Variants in VPS8 observed in about 807,000 individuals in gnomAD.
The protein encoded by VPS8 is VPS8 subunit of CORVET complex, also known as vacuolar protein sorting-associated protein 8 homolog.
VPS8 carries 129 observed loss-of-function variants against 216.4 expected under a neutral mutation model. That is an observed-to-expected ratio of 0.60 (90% CI 0.52 to 0.69). The LOEUF (loss-of-function observed/expected upper bound fraction) is 0.69, where lower values mean the gene tolerates loss of function less well. Ranked by LOEUF, VPS8 falls within the 30% of genes least tolerant of loss-of-function variation. The pLI is 0.00. For missense variants in VPS8, 1,531 were observed against 1,683.5 expected, an observed-to-expected ratio of 0.91 and a Z score of 1.59; for synonymous variants, 571 against 565.4, an observed-to-expected ratio of 1.01 and a Z score of -0.14.
At chr3:184,982,511 T>C in intron 40 of VPS8, 55 bp from the exon 41 acceptor site, 1 of 1,347,552 alleles carries the variant, frequency 7.4e-7, no homozygotes, top group South Asian at 1.2e-5. Flanking sequence ...TCTTTTGTTT[T>C]TCATTGTTTT....
Position 184,996,441 on chromosome 3 carries a change from C to G in VPS8, c.3776C>G (p.Ser1259Cys), listed in dbSNP as rs994217123. ...RGLNPKQDYC[S>C]ICLQQYKRRQ... ...CTGAATCCCAAACAAGATTACTGCT[C>G]TATATGTTTGCAGCAGTACAAGAGA... The change falls in exon 44 of 48, where the codon TCT (serine) becomes TGT (cysteine). Residue 1259 changes from serine (S) to cysteine (C), a missense_variant. Transcript: ENST00000625842. The G allele has an allele frequency of 5.0e-6, 8 of 1,613,578 alleles. No homozygotes were observed. Among genetic ancestry groups the G allele is most frequent in the Non-Finnish European group, 6.8e-6 (8 of 1,179,790 alleles).
At chr3:184,989,323 G>C (rs750788506) in intron 42 of VPS8, among the ~76,000 whole-genome samples, 7 of 152,178 alleles carry the variant, frequency 4.6e-5, no homozygotes, top group Non-Finnish European at 8.8e-5. Context: ...TCATGAGTGG[G>C]CGTTGGATTT....
At chr3:184,935,093 C>T (rs1460130623) in intron 34 of VPS8, among the ~76,000 whole-genome samples, 1 of 151,716 alleles carries the variant, frequency 6.6e-6, no homozygotes, top group Non-Finnish European at 1.5e-5. Context: ...TTTGGGAGGC[C>T]GAGGCAGGAT....
chr3:184,981,425 G>A lies in VPS8; in HGVS notation c.3421-1141G>A, dbSNP rs923570267. ...CTTCATGGGAGCAGGGCAGCAGTGG[G>A]TTCTTTTTTTTTTTTTTTTTTTTTT... On this transcript the variant is annotated intron_variant, in intron 40 of 47. Coordinates refer to ENST00000625842, the MANE Select transcript of VPS8 (RefSeq NM_001009921.3). Among the ~76,000 whole-genome samples, 6 of 128,846 alleles carry A rather than the reference G, an allele frequency of 4.7e-5. No homozygotes were observed. In the East Asian group the frequency reaches 7.4e-4, roughly 16 times the overall value. 84.5% of individuals were successfully genotyped at this position (128,846 alleles called of 152,430 possible).
intron 45 of VPS8, among the ~76,000 whole-genome samples, chr3:185,016,932 C>G (rs1270772131): frequency 6.6e-6 from 1 of 152,012 alleles, no homozygotes; most frequent in Admixed American, 6.6e-5. Context: ...TGGCCACCAT[C>G]AGAAATGATA....
intron 25 of VPS8, among the ~76,000 whole-genome samples, chr3:184,908,780 C>G (rs1297984422): frequency 6.6e-6 from 1 of 152,200 alleles, no homozygotes. Flanking sequence ...AAATGGCTTT[C>G]TGCAGAGAGG....
chr3:184,902,122 C>CCCTTTT (rs1560596544), intron 25 of VPS8, among the ~76,000 whole-genome samples: 1 of 119,598 alleles, frequency 8.4e-6, no homozygotes, highest in African/African-American at 3.1e-5. Context: ...CCCCCCCCCC[C>CCCTTTT]TTTTTTTTTT....
At chr3:184,893,437 G>A (rs1732749622) in intron 22 of VPS8, 5 of 926,974 alleles carry the variant, frequency 5.4e-6, no homozygotes, top group Admixed American at 5.3e-5. Flanking sequence ...CACAGTTTTT[G>A]TATTTTTTAA....
At chr3:184,911,672 C>T (rs1381998190) in intron 25 of VPS8, among the ~76,000 whole-genome samples, 1 of 152,186 alleles carries the variant, frequency 6.6e-6, no homozygotes, top group Non-Finnish European at 1.5e-5. Context: ...TAGACTCTCC[C>T]TTTTGCTCTC....
At chr3:184,937,949 G>A (rs186123878) in intron 35 of VPS8, among the ~76,000 whole-genome samples, 1 of 152,294 alleles carries the variant, frequency 6.6e-6, no homozygotes. Flanking sequence ...TGTCTTCTGT[G>A]TACTGAGAAT....
At chr3:184,851,586 T>A (rs1397713246) in intron 10 of VPS8, among the ~76,000 whole-genome samples, 1 of 152,184 alleles carries the variant, frequency 6.6e-6, no homozygotes, top group Non-Finnish European at 1.5e-5. Flanking sequence ...TTATTTTTCC[T>A]GCACTCCAGC....
At chr3:184,950,216 CTTTTTTTTTTTTTTTT>C (rs10700220) in intron 36 of VPS8, among the ~76,000 whole-genome samples, 82 of 39,932 alleles carry the variant, frequency 2.1e-3, no homozygotes, top group Non-Finnish European at 2.9e-3. Flanking sequence ...CAGTTTTCTG[CTTTTTTTTTTTTTTTT>C]TTTTTTTTTT....
chr3:184,884,777 T>G (rs1578067771), intron 21 of VPS8, among the ~76,000 whole-genome samples: 2 of 152,248 alleles, frequency 1.3e-5, no homozygotes, highest in Admixed American at 6.5e-5. Flanking sequence ...CCAGCAAACC[T>G]ACACGATAGG....
At position 184,936,311 on chromosome 3, in the gene VPS8, T is replaced by C. The variant is rs759980329; in HGVS notation, c.2964T>C (p.Ile988=). 1.2e-6 allele frequency: 2 copies of C among 1,611,504 alleles called. No individual in the cohort carries two copies. Among genetic ancestry groups the C allele is most frequent in the Admixed American group, 3.3e-5 (2 of 59,744 alleles). The change falls in exon 35 of 48, where the codon ATT becomes ATC. Residue 988 remains isoleucine (I), a synonymous_variant. Coordinates refer to ENST00000625842, the MANE Select transcript of VPS8 (RefSeq NM_001009921.3). ...ELVATHFSGH[I]ETVIKKLQNQ... ...TTGCCACCCACTTTTCTGGACATAT[T>C]GAAACGGTCATTAAAAAACTTCAGG... is the stretch of plus-strand genomic sequence containing the variant.
At chr3:184,885,794 CTTTT>C (rs201959642) in intron 21 of VPS8, among the ~76,000 whole-genome samples, 3 of 151,398 alleles carry the variant, frequency 2.0e-5, no homozygotes, top group African/African-American at 7.3e-5. Context: ...ATTCATATTT[CTTTT>C]TTTTTCTTTC....
intron 16 of VPS8, among the ~76,000 whole-genome samples, chr3:184,865,155 ATAGTAT>A (rs1343979107): frequency 3.3e-5 from 5 of 152,232 alleles, no homozygotes; most frequent in African/African-American, 9.6e-5. Context: ...ATTTTAAGAA[ATAGTAT>A]TAGTGAACTG....
At chr3:184,816,252 G>C (rs944877487) in intron 1 of VPS8, 3 of 152,060 alleles carry the variant, frequency 2.0e-5, no homozygotes, top group Non-Finnish European at 4.4e-5. Flanking sequence ...TGTAGACTTC[G>C]TTCATATTAT....
At chr3:184,903,623 A>C (rs1734973162) in intron 25 of VPS8, among the ~76,000 whole-genome samples, 1 of 151,372 alleles carries the variant, frequency 6.6e-6, no homozygotes, top group African/African-American at 2.4e-5. Flanking sequence ...ATTAAAAAAA[A>C]AAATTCTCAA....
At chr3:184,929,902 T>C (rs1300485394) in intron 33 of VPS8, among the ~76,000 whole-genome samples, 1 of 152,152 alleles carries the variant, frequency 6.6e-6, no homozygotes, top group Non-Finnish European at 1.5e-5. Context: ...AACCGAGTGC[T>C]ACTTTAGAGG....
Sources: allele counts gnomAD v4.1 joint callset (sites outside exome capture counted in the v4.1 genomes callset), GRCh38; gene constraint gnomAD v4.1.1; transcripts MANE v1.5; gene names NCBI Gene and HGNC (gene_info 2026-07-23, HGNC 2026-07-21).